Variants in ATP6V1C2 observed in about 807,000 individuals in gnomAD.
ATP6V1C2 encodes ATPase H+ transporting V1 subunit C2, also known as V-type proton ATPase subunit C 2.
In ATP6V1C2, 45 loss-of-function variants were observed where a neutral mutation model predicts 56.8. That is an observed-to-expected ratio of 0.79 (90% CI 0.62 to 1.02). The LOEUF (loss-of-function observed/expected upper bound fraction) is 1.02. ATP6V1C2 is among the 50% of genes least tolerant of loss of function. The pLI, the probability that ATP6V1C2 is intolerant of heterozygous loss-of-function variation, is 0.00. For missense variants in ATP6V1C2, 463 were observed against 519.7 expected, an observed-to-expected ratio of 0.89 and a Z score of 1.06; for synonymous variants, 220 against 201.3, an observed-to-expected ratio of 1.09 and a Z score of -0.79.
chr2:10,737,260 CAA>C (rs70953338), intron 3 of ATP6V1C2, among the ~76,000 whole-genome samples: 119,344 of 123,122 alleles, frequency 0.97, 57,859 homozygotes, highest in East Asian at 0.99. Context: ...ACTAAAAATA[CAA>C]AAAAAAAAAA....
chr2:10,729,140 T>A (rs933974733), intron 3 of ATP6V1C2, among the ~76,000 whole-genome samples: 2 of 150,432 alleles, frequency 1.3e-5, no homozygotes, highest in Admixed American at 1.3e-4. Context: ...AAAAAAAAAA[T>A]ATTACAAATC....
chr2:10,722,086 G>A (rs116528049), intron 1 of ATP6V1C2, among the ~76,000 whole-genome samples: 2,212 of 152,244 alleles, frequency 0.015, 53 homozygotes, highest in African/African-American at 0.051. Context: ...GTCCGGAGAC[G>A]CCGCGGGGAG....
At chr2:10,753,400 G>A (rs1663329973) in intron 3 of ATP6V1C2, among the ~76,000 whole-genome samples, 1 of 152,124 alleles carries the variant, frequency 6.6e-6, no homozygotes, top group Admixed American at 6.5e-5. Context: ...GGACCTTCCA[G>A]CTGTCTCCAG....
intron 5 of ATP6V1C2, among the ~76,000 whole-genome samples, chr2:10,764,991 T>G (rs1403779921): frequency 6.6e-6 from 1 of 151,130 alleles, no homozygotes. Flanking sequence ...AAAAAAAAAG[T>G]TACTGATGGT....
At chr2:10,757,648 C>T (rs1663632857) in intron 4 of ATP6V1C2, among the ~76,000 whole-genome samples, 1 of 152,182 alleles carries the variant, frequency 6.6e-6, no homozygotes, top group South Asian at 2.1e-4. Context: ...CCTCTTTGTC[C>T]TGTCATCCCT....
At chr2:10,747,525 G>A (rs538114495) in intron 3 of ATP6V1C2, among the ~76,000 whole-genome samples, 1 of 151,952 alleles carries the variant, frequency 6.6e-6, no homozygotes, top group Non-Finnish European at 1.5e-5. Context: ...ACTGGTACTC[G>A]GTCTACAGAT....
chr2:10,779,296 G>A (rs1315619114), intron 12 of ATP6V1C2, among the ~76,000 whole-genome samples: 5 of 150,728 alleles, frequency 3.3e-5, no homozygotes, highest in African/African-American at 7.3e-5. Context: ...TAGTAGAGGC[G>A]GGGTTTCACC....
At chr2:10,745,530 G>C (rs957117006) in intron 3 of ATP6V1C2, among the ~76,000 whole-genome samples, 1 of 151,706 alleles carries the variant, frequency 6.6e-6, no homozygotes, top group Non-Finnish European at 1.5e-5. Context: ...AAGTAGAGAC[G>C]GGTTTTCACC....
chr2:10,785,050 AACAC>A lies in ATP6V1C2; in HGVS notation c.*1797_*1800del. 2.1e-6 allele frequency: 3 copies of A among 1,460,976 alleles called. No homozygotes were observed. Among genetic ancestry groups the A allele is most frequent in the Non-Finnish European group, 2.8e-6 (3 of 1,061,114 alleles). 90.5% of individuals were successfully genotyped at this position (1,460,976 alleles called of 1,614,324 possible). Reference sequence around the variant, plus strand: ...AGCTCCCTTAGGGAAAAATGACCAAAACACACACACACATTTACAATGGACTGCT... The same window carrying A: ...AGCTCCCTTAGGGAAAAATGACCAAAACACACACATTTACAATGGACTGCT... On this transcript the variant is annotated 3_prime_UTR_variant, in exon 14 of 14. Coordinates refer to ENST00000272238, the MANE Select transcript of ATP6V1C2 (RefSeq NM_001039362.2).
At chr2:10,721,904 C>T (rs1489896924) in intron 1 of ATP6V1C2, among the ~76,000 whole-genome samples, 173 bp downstream of exon 1, 2 of 152,238 alleles carry the variant, frequency 1.3e-5, no homozygotes, top group East Asian at 3.9e-4. Context: ...TGCGGCGGGC[C>T]AGTTCGTCCC....
At chr2:10,743,045 G>T (rs1440695771) in intron 3 of ATP6V1C2, among the ~76,000 whole-genome samples, 1 of 152,196 alleles carries the variant, frequency 6.6e-6, no homozygotes, top group Admixed American at 6.5e-5. Context: ...GAGGTAAGGG[G>T]CTGGGCCTGA....
At chr2:10,752,063 CAAA>C (rs908467834) in intron 3 of ATP6V1C2, among the ~76,000 whole-genome samples, 2 of 146,192 alleles carry the variant, frequency 1.4e-5, no homozygotes, top group East Asian at 2.0e-4. Flanking sequence ...CATCCTGCCT[CAAA>C]AAAAAAACAA....
intron 2 of ATP6V1C2, among the ~76,000 whole-genome samples, chr2:10,725,616 T>C (rs1046640556): frequency 6.8e-6 from 1 of 146,888 alleles, no homozygotes; most frequent in Non-Finnish European, 1.5e-5. Context: ...TGCCTCAGAC[T>C]CCCAAGTAGC....
At chr2:10,726,048 C>G (rs772256195) in intron 2 of ATP6V1C2, among the ~76,000 whole-genome samples, 18 of 152,102 alleles carry the variant, frequency 1.2e-4, no homozygotes, top group Non-Finnish European at 2.5e-4. Flanking sequence ...CCATTTCACT[C>G]CAGCCTGGGC....
At chr2:10,740,099 AAAAAG>A (rs1250595843) in intron 3 of ATP6V1C2, among the ~76,000 whole-genome samples, 13 of 151,800 alleles carry the variant, frequency 8.6e-5, no homozygotes, top group African/African-American at 2.9e-4. Flanking sequence ...AAAAAAAAAA[AAAAAG>A]AAAAGAAAGT....
At chr2:10,774,098 G>A (rs1035797367) in intron 8 of ATP6V1C2, among the ~76,000 whole-genome samples, 1 of 152,232 alleles carries the variant, frequency 6.6e-6, no homozygotes, top group African/African-American at 2.4e-5. Context: ...GCCCTTCATT[G>A]TCACAGGCCA....
chr2:10,757,394 A>G (rs1663620539), intron 4 of ATP6V1C2: 1 of 395,318 alleles, frequency 2.5e-6, no homozygotes, highest in African/African-American at 2.1e-5. Context: ...GTATGTCTAT[A>G]TGGCTTAATA....
At chr2:10,756,961 T>G (rs1663585136) in intron 4 of ATP6V1C2, among the ~76,000 whole-genome samples, 1 of 148,564 alleles carries the variant, frequency 6.7e-6, no homozygotes, top group South Asian at 2.1e-4. Flanking sequence ...GTTATAAATA[T>G]AACATATATT....
At position 10,782,278 on chromosome 2, in the gene ATP6V1C2, T is replaced by C. The variant is rs777098138; in HGVS notation, c.1097T>C (p.Leu366Pro). 6.2e-7 allele frequency: 1 copy of C among 1,614,220 alleles called. No individual in the cohort carries two copies. The highest frequency in any genetic ancestry group is 8.5e-7 in the Non-Finnish European group (1 of 1,180,040). ...CCAGTGAACTTCCAGGCAGTGCTCC[T>C]GCAGCCGCATAAGAAGTCATCCACC... ...GLPVNFQAVLLQPHKKSSTKR... is the reference protein window; with the variant it reads ...GLPVNFQAVLPQPHKKSSTKR... The change falls in exon 13 of 14, where the codon CTG becomes CCG. Residue 366 changes from leucine to proline, a missense_variant. Physicochemically the swap from Leu to Pro is moderately conservative, Grantham distance 98 (BLOSUM62 -3). Coordinates refer to ENST00000272238, the MANE Select transcript of ATP6V1C2 (RefSeq NM_001039362.2).
Sources: gnomAD v4.1 joint callset for allele counts (sites outside exome capture counted in the v4.1 genomes callset) on GRCh38, gnomAD v4.1.1 for gene constraint, MANE v1.5 for transcripts, NCBI Gene and HGNC (gene_info 2026-07-23, HGNC 2026-07-21) for gene names.